Variants in PDZRN4 observed in about 807,000 individuals in gnomAD.
The protein encoded by PDZRN4 is PDZ domain containing ring finger 4.
A neutral mutation model predicts 99.0 loss-of-function variants in PDZRN4; 70 were observed. That is an observed-to-expected ratio of 0.71 (90% CI 0.58 to 0.86). PDZRN4 has a LOEUF of 0.86. Ranked by LOEUF, PDZRN4 falls within the 40% of genes least tolerant of loss-of-function variation. PDZRN4 has a pLI of 0.00. For missense variants in PDZRN4, 1,474 were observed against 1,331.2 expected (o/e 1.11, Z -1.67); for synonymous variants, 551 against 501.6 (o/e 1.10, Z -1.32).
chr12:41,289,348 C>T (rs1481805531), intron 3 of PDZRN4, among the ~76,000 whole-genome samples: 3 of 152,142 alleles, frequency 2.0e-5, no homozygotes, highest in East Asian at 1.9e-4. Flanking sequence ...AATAATAGTA[C>T]ATTTTAATCC....
chr12:41,368,300 G>A (rs1952016848), intron 3 of PDZRN4, among the ~76,000 whole-genome samples: 1 of 152,006 alleles, frequency 6.6e-6, no homozygotes, highest in African/African-American at 2.4e-5. Flanking sequence ...CTCTAGAGAA[G>A]ATAGTCCCAC....
At chr12:41,556,381 T>C (rs1054523266) in intron 7 of PDZRN4, among the ~76,000 whole-genome samples, 1 of 152,254 alleles carries the variant, frequency 6.6e-6, no homozygotes, top group Non-Finnish European at 1.5e-5. Context: ...ACCTAGATGG[T>C]ACAGCCTACT....
rs768821748 is a variant in PDZRN4 at position 41,509,807 on chromosome 12, A to G, written c.1101-4A>G. On this transcript the variant is annotated splice_region_variant and splice_polypyrimidine_tract_variant and intron_variant, in intron 4 of 9. Coordinates refer to ENST00000402685, the MANE Select transcript of PDZRN4 (RefSeq NM_001164595.2). Reference sequence around the variant, plus strand: ...TTCCTATCATATTGCTACATTCCCCATAGCTGCCATTCTCTACATCCAATG... The same window carrying G: ...TTCCTATCATATTGCTACATTCCCCGTAGCTGCCATTCTCTACATCCAATG... 5.6e-6 allele frequency: 8 copies of G among 1,435,574 alleles called. No homozygotes were observed. Among genetic ancestry groups the G allele is most frequent in the African/African-American group, 2.8e-5 (2 of 70,624 alleles). 88.9% of individuals were successfully genotyped at this position (1,435,574 alleles called of 1,614,324 possible).
At chr12:41,255,453 G>A (rs1407255923) in intron 3 of PDZRN4, among the ~76,000 whole-genome samples, 1 of 151,786 alleles carries the variant, frequency 6.6e-6, no homozygotes, top group African/African-American at 2.4e-5. Flanking sequence ...TTTGTTTTTG[G>A]TAAGGGTAGT....
chr12:41,341,634 C>T (rs1193876513), intron 3 of PDZRN4, among the ~76,000 whole-genome samples: 1 of 151,438 alleles, frequency 6.6e-6, no homozygotes, highest in Non-Finnish European at 1.5e-5. Flanking sequence ...ACAAACTTAA[C>T]CAAGAAGGTG....
At chr12:41,425,806 C>G (rs1446972308) in intron 3 of PDZRN4, among the ~76,000 whole-genome samples, 1 of 152,094 alleles carries the variant, frequency 6.6e-6, no homozygotes, top group African/African-American at 2.4e-5. Context: ...TAAAGCCTAT[C>G]AAAATATAGT....
chr12:41,531,085 A>G (rs947656332), intron 5 of PDZRN4, among the ~76,000 whole-genome samples: 1 of 152,072 alleles, frequency 6.6e-6, no homozygotes, highest in African/African-American at 2.4e-5. Flanking sequence ...TGTGTTAACT[A>G]GCTCAATTAG....
At chr12:41,348,871 G>C (rs563497093) in intron 3 of PDZRN4, among the ~76,000 whole-genome samples, 1 of 152,066 alleles carries the variant, frequency 6.6e-6, no homozygotes, top group South Asian at 2.1e-4. Flanking sequence ...TTTTGGTGTA[G>C]TATCAAAGAG....
At chr12:41,213,121 T>G (rs1487679131) in intron 3 of PDZRN4, among the ~76,000 whole-genome samples, 2 of 152,046 alleles carry the variant, frequency 1.3e-5, no homozygotes, top group African/African-American at 4.8e-5. Flanking sequence ...CCTCCCCCAT[T>G]TATAAATCGG....
intron 3 of PDZRN4, among the ~76,000 whole-genome samples, chr12:41,335,118 A>G (rs1037253992): frequency 1.3e-5 from 2 of 152,140 alleles, no homozygotes; most frequent in African/African-American, 2.4e-5. Context: ...TCTACTGTTC[A>G]TGCAATATTC....
At position 41,503,163 on chromosome 12, in the gene PDZRN4, C is replaced by G. The variant is rs571217650; in HGVS notation, c.844-3293C>G. Among the ~76,000 whole-genome samples, 250 of 152,140 alleles carry G rather than the reference C, an allele frequency of 1.6e-3. 1 individual carries two copies. Among genetic ancestry groups the G allele is most frequent in the African/African-American group, 5.2e-3 (215 of 41,538 alleles). On this transcript the variant is annotated intron_variant, in intron 3 of 9. Coordinates refer to ENST00000402685, the MANE Select transcript of PDZRN4 (RefSeq NM_001164595.2). Reference sequence around the variant, plus strand: ...TTAGGATCATCAATGCTTGCATTTTCTAAGGGATCATGTGTAGCAGTAGAG... The same window carrying G: ...TTAGGATCATCAATGCTTGCATTTTGTAAGGGATCATGTGTAGCAGTAGAG...
chr12:41,221,845 C>A (rs1950958075), intron 3 of PDZRN4, among the ~76,000 whole-genome samples: 1 of 152,068 alleles, frequency 6.6e-6, no homozygotes, highest in Non-Finnish European at 1.5e-5. Flanking sequence ...ACTTTCCTGG[C>A]ACAACTGACA....
intron 3 of PDZRN4, among the ~76,000 whole-genome samples, chr12:41,344,733 G>T (rs1918235): frequency 0.98 from 145,047 of 148,376 alleles, 71,010 homozygotes; most frequent in Middle Eastern, 1. Context: ...ATTTTTTGAT[G>T]TAAGATATAT....
rs78867726 is a variant in PDZRN4 at position 41,307,197 on chromosome 12, C to T, written c.843+113009C>T. Among the ~76,000 whole-genome samples the T allele has an allele frequency of 5.9e-3, 895 of 152,166 alleles. 5 individuals are homozygous for T. Among genetic ancestry groups the T allele is most frequent in the Middle Eastern group, 0.027 (8 of 294 alleles). ...TCTGCTTGGGGTACCACAGCAAATA[C>T]CATAGACTAGGTAGCCTAAACAAAA... is the stretch of plus-strand genomic sequence containing the variant. On this transcript the variant is annotated intron_variant, in intron 3 of 9. Coordinates refer to ENST00000402685, the MANE Select transcript of PDZRN4 (RefSeq NM_001164595.2).
At chr12:41,374,366 G>A (rs1952064405) in intron 3 of PDZRN4, among the ~76,000 whole-genome samples, 1 of 152,146 alleles carries the variant, frequency 6.6e-6, no homozygotes, top group African/African-American at 2.4e-5. Context: ...GCAGTCAGCA[G>A]GGATAGTGAC....
At chr12:41,363,460 A>G (rs1198689153) in intron 3 of PDZRN4, among the ~76,000 whole-genome samples, 1 of 152,148 alleles carries the variant, frequency 6.6e-6, no homozygotes, top group Admixed American at 6.5e-5. Context: ...TTCAGGATGC[A>G]TTTATTCAAG....
At chr12:41,322,877 CT>C (rs1054730989) in intron 3 of PDZRN4, among the ~76,000 whole-genome samples, 86 of 137,988 alleles carry the variant, frequency 6.2e-4, no homozygotes, top group African/African-American at 2.9e-3. Context: ...TTCCTTTTTT[CT>C]TTTTTTTCTT....
At chr12:41,361,747 T>A (rs1320379769) in intron 3 of PDZRN4, among the ~76,000 whole-genome samples, 1 of 152,042 alleles carries the variant, frequency 6.6e-6, no homozygotes, top group African/African-American at 2.4e-5. Flanking sequence ...TTTAGTACCT[T>A]TAATGTGCAC....
At position 41,305,692 on chromosome 12, in the gene PDZRN4, G is replaced by T. The variant is rs190848123; in HGVS notation, c.843+111504G>T. ...TACCTCCAAATACCATCACATTGAA[G>T]ATTAGGTCTTCAGCATACACATTTG... On this transcript the variant is annotated intron_variant, in intron 3 of 9. Coordinates refer to ENST00000402685, the MANE Select transcript of PDZRN4 (RefSeq NM_001164595.2). Among the ~76,000 whole-genome samples, 6 of 152,264 alleles carry T rather than the reference G, an allele frequency of 3.9e-5. No homozygotes were observed. The East Asian group carries it at 9.7e-4, about 25-fold the overall frequency.
Sources: gnomAD v4.1 joint callset for allele counts (sites outside exome capture counted in the v4.1 genomes callset) on GRCh38, gnomAD v4.1.1 for gene constraint, MANE v1.5 for transcripts, NCBI Gene and HGNC (gene_info 2026-07-23, HGNC 2026-07-21) for gene names.